TOP3B: variants seen among roughly 807,000 people sequenced by gnomAD.
The protein encoded by TOP3B is DNA topoisomerase 3-beta-1.
TOP3B carries 45 observed loss-of-function variants against 93.9 expected under a neutral mutation model. The ratio of observed to expected loss-of-function variants is 0.48; its 90% CI spans 0.38 to 0.61. The LOEUF (loss-of-function observed/expected upper bound fraction) is 0.61, where lower values mean the gene tolerates loss of function less well. TOP3B is among the 20% of genes least tolerant of loss of function. The pLI is 0.00. For synonymous variants in TOP3B, 357 were observed against 472.6 expected (o/e 0.76, Z 3.17); for missense variants, 750 against 1,156.1 (o/e 0.65, Z 5.09).
In TOP3B at chr22:21,971,534, G is replaced by A; in HGVS notation, c.384+343C>T. 2.7e-6 allele frequency: 1 copy of A among 372,538 alleles called. No homozygotes were observed. The highest frequency in any genetic ancestry group is 6.9e-5 in the East Asian group (1 of 14,414). The allele number at this position is 372,538 out of a possible 1,614,324, so 23.1% of individuals were successfully genotyped here. ...GGGAATCAACCAGCATCAACCCAAG[G>A]TCCCTGAGAAGTCACGCTGGGCACA... On this transcript the variant is annotated intron_variant, in intron 5 of 17. Coordinates refer to ENST00000357179, the MANE Select transcript of TOP3B (RefSeq NM_001282112.2). This position sits in a 1 kb window ranked among gnomAD's most constrained non-coding sequence, Gnocchi z 4.6.
intron 1 of TOP3B, among the ~76,000 whole-genome samples, chr22:21,979,941 CAAAAAAAAAAAA>C (rs57880095): frequency 1.9e-5 from 1 of 53,442 alleles, no homozygotes; most frequent in Non-Finnish European, 3.5e-5. Context: ...ACTCCATCTC[CAAAAAAAAAAAA>C]AAAAAAAAAA....
intron 7 of TOP3B, chr22:21,968,035 A>G (rs572294858): frequency 2.9e-6 from 1 of 344,754 alleles, no homozygotes; most frequent in East Asian, 6.8e-5. Context: ...AGTGGTAGGT[A>G]TGGCCACCGC....
In TOP3B at chr22:21,963,013, T is replaced by G; in HGVS notation, c.1205-120A>C. 1 of 1,236,180 alleles carries G rather than the reference T, an allele frequency of 8.1e-7. No homozygotes were observed. The highest frequency in any genetic ancestry group is 1.4e-5 in the South Asian group (1 of 73,612). 76.6% of individuals were successfully genotyped at this position (1,236,180 alleles called of 1,614,324 possible). ...TACAGAGCCGCTGTGCAGGACACAC[T>G]GCAAATCCTGGGGAAGGAGGAAAGA... On this transcript the variant is annotated intron_variant, in intron 11 of 17. Transcript: ENST00000357179. This position sits in a 1 kb window ranked among gnomAD's most constrained non-coding sequence, Gnocchi z 4.8.
At chr22:21,975,855 C>A in intron 1 of TOP3B, 48 bp from the exon 2 acceptor site, 1 of 1,174,118 alleles carries the variant, frequency 8.5e-7, no homozygotes, top group Non-Finnish European at 1.1e-6. Context: ...TCAATAGAAC[C>A]TACACCACTA....
chr22:21,969,953 A>G, intron 6 of TOP3B: 5 of 199,906 alleles, frequency 2.5e-5, no homozygotes, highest in East Asian at 8.6e-5. Context: ...TTTTTTTTGT[A>G]GAGATGGGGT....
At chr22:21,979,640 A>G (rs1194983015) in intron 1 of TOP3B, among the ~76,000 whole-genome samples, 1 of 152,166 alleles carries the variant, frequency 6.6e-6, no homozygotes, top group African/African-American at 2.4e-5. Flanking sequence ...AGGTGGTTAA[A>G]TAAAAGCATG....
intron 8 of TOP3B, 54 bp downstream of exon 8, chr22:21,967,549 A>G (rs1399681046): frequency 6.8e-7 from 1 of 1,460,984 alleles, no homozygotes; most frequent in Admixed American, 1.7e-5. Context: ...GGAGGCATCC[A>G]AGGGCCACCC....
At chr22:21,972,036 T>C in intron 4 of TOP3B, 85 bp from the exon 5 acceptor site, 1 of 1,245,634 alleles carries the variant, frequency 8.0e-7, no homozygotes, top group Non-Finnish European at 1.1e-6. Context: ...AGGACAGGGC[T>C]TGGTCCCAGG....
chr22:21,962,067 A>C (rs1601818565), intron 13 of TOP3B: 2 of 1,159,282 alleles, frequency 1.7e-6, no homozygotes, highest in Non-Finnish European at 2.2e-6. Flanking sequence ...ACCTGATTTC[A>C]GGACAGCCCA....
In TOP3B at chr22:21,971,524, T is replaced by C; in HGVS notation, c.384+353A>G. Reference sequence around the variant, plus strand: ...TGCTGAGGTCGGGAATCAACCAGCATCAACCCAAGGTCCCTGAGAAGTCAC... The same window carrying C: ...TGCTGAGGTCGGGAATCAACCAGCACCAACCCAAGGTCCCTGAGAAGTCAC... On this transcript the variant is annotated intron_variant, in intron 5 of 17. Coordinates refer to ENST00000357179, the MANE Select transcript of TOP3B (RefSeq NM_001282112.2). The surrounding 1 kb of genome is among the most constrained non-coding windows in gnomAD (Gnocchi z 4.6). 1 of 362,254 alleles carries C rather than the reference T, an allele frequency of 2.8e-6. No homozygotes were observed. The allele number at this position is 362,254 out of a possible 1,614,324, so 22.4% of individuals were successfully genotyped here.
chr22:21,975,547 A>C, intron 2 of TOP3B, 93 bp downstream of exon 2: 1 of 1,379,452 alleles, frequency 7.2e-7, no homozygotes. Context: ...AACCAAATCT[A>C]CCCCAGCCAG....
chr22:21,964,231 TG>T lies in TOP3B; in HGVS notation c.1027del (p.His343ThrfsTer8). 1 of 1,614,130 alleles carries T rather than the reference TG, an allele frequency of 6.2e-7. No homozygotes were observed. The highest frequency in any genetic ancestry group is 1.1e-5 in the South Asian group (1 of 91,078). On this transcript the variant is annotated frameshift_variant, in exon 10 of 18. Transcript: ENST00000357179. LOFTEE classifies it high-confidence loss of function. ...YISYPRTETT[H>X]YPENFDLKGS... is the part of the protein sequence containing the mutation. The stretch of plus-strand genomic sequence containing the variant: ...CTTCAGGTCAAAGTTCTCAGGGTAG[TG>T]GGTGGTCTCTGTCCGTGGGTAGCTG...
In TOP3B at chr22:21,962,865, G is replaced by A. The variant is rs1442684703; in HGVS notation, c.1233C>T (p.Tyr411=). The A allele has an allele frequency of 6.2e-7, 1 of 1,613,916 alleles. No individual in the cohort carries two copies. Among genetic ancestry groups the A allele is most frequent in the Non-Finnish European group, 8.5e-7 (1 of 1,180,020 alleles). ...LGGDAWRLYE[Y]ITRHFIATVS... The stretch of plus-strand genomic sequence containing the variant: ...CCGTGGCGATGAAGTGTCTGGTGAT[G>A]TACTCATAGAGCCGCCACGCGTCAC... The change falls in exon 12 of 18, where the codon TAC becomes TAT. Residue 411 remains tyrosine, a synonymous_variant. Transcript: ENST00000357179.
At chr22:21,969,987 C>G in intron 6 of TOP3B, 2 of 422,114 alleles carry the variant, frequency 4.7e-6, no homozygotes, top group Non-Finnish European at 8.4e-6. Flanking sequence ...CCAGGCTGGT[C>G]TCAAACTGCC....
At chr22:21,961,509 C>CA (rs1569143184) in intron 13 of TOP3B, 1 of 152,412 alleles carries the variant, frequency 6.6e-6, no homozygotes, top group African/African-American at 2.4e-5. Context: ...GGGCAGAGGA[C>CA]ACGGGGGAGC....
chr22:21,972,510 T>C (rs2081617129), intron 4 of TOP3B, 102 bp downstream of exon 4: 1 of 883,186 alleles, frequency 1.1e-6, no homozygotes, highest in African/African-American at 1.7e-5. Flanking sequence ...AAGGCCCCCC[T>C]GTCCAAGGGG....
At position 21,959,577 on chromosome 22, in the gene TOP3B, C is replaced by G. The variant is rs2145828184; in HGVS notation, c.1804+10G>C. 3 of 1,602,514 alleles carry G rather than the reference C, an allele frequency of 1.9e-6. No homozygotes were observed. The South Asian group carries it at 3.4e-5, about 18-fold the overall frequency. ...CCTCTGGTGAGGGGCAGGCCAGAGG[C>G]AGACTCTACCAGCAATGGAGTCGAC... On this transcript the variant is annotated intron_variant, in intron 15 of 17. Coordinates refer to ENST00000357179, the MANE Select transcript of TOP3B (RefSeq NM_001282112.2).
rs189944999 is a variant in TOP3B, at chr22:21,958,681, G to A, written c.1918C>T (p.Arg640Cys). ...FMKYIQAKPS[R>C]LHCSHCDETY... ...TCATCGCAGTGGGAGCAGTGCAGGC[G>A]GCTTGGCTTGGCCTGCGGCAATGCC... Residue 640 changes from arginine (R) to cysteine (C), a missense_variant, in exon 17 of 18, where the codon CGC (arginine) becomes TGC (cysteine). Physicochemically the swap from Arg to Cys is radical, Grantham distance 180. This residue lies in a region of TOP3B where 737 missense variants were observed against 933.7 expected (regional missense o/e 0.79). Coordinates refer to ENST00000357179, the MANE Select transcript of TOP3B (RefSeq NM_001282112.2). 2.0e-5 allele frequency: 32 copies of A among 1,598,126 alleles called. No individual in the cohort carries two copies. Among genetic ancestry groups the A allele is most frequent in the East Asian group, 1.4e-4 (6 of 44,384 alleles).
At chr22:21,972,994 A>C in intron 3 of TOP3B, 1 of 449,082 alleles carries the variant, frequency 2.2e-6, no homozygotes, top group East Asian at 5.0e-5. Context: ...GGGGGCTGCC[A>C]CTCTGGCCTC....
Sources: allele counts gnomAD v4.1 joint callset (sites outside exome capture counted in the v4.1 genomes callset), GRCh38; gene constraint gnomAD v4.1.1; regional missense constraint gnomAD v4.1.1; non-coding constraint Gnocchi (gnomAD v3.1); transcripts MANE v1.5; gene names NCBI Gene and HGNC (gene_info 2026-07-23, HGNC 2026-07-21).